The following IARS1 variants were observed in gnomAD, a reference collection of about 807,000 sequenced individuals.
IARS1 encodes isoleucyl-tRNA synthetase 1, also known as isoleucine--tRNA ligase, cytoplasmic.
IARS1 carries 124 observed loss-of-function variants against 168.2 expected under a neutral mutation model. That is an observed-to-expected ratio of 0.74 (90% confidence interval 0.64 to 0.86). The LOEUF (loss-of-function observed/expected upper bound fraction) is 0.86, where lower values mean the gene tolerates loss of function less well. IARS1 is among the 40% of genes least tolerant of loss of function. The probability of loss-of-function intolerance (pLI) is 0.00; values close to 1 mark genes in which losing one functional copy is unlikely to be tolerated. For synonymous variants in IARS1, 532 were observed against 529.4 expected (o/e 1.00, Z -0.07); for missense variants, 1,452 against 1,515.8 (o/e 0.96, Z 0.70).
At chr9:92,220,350 T>G (rs564136054) in intron 33 of IARS1, among the ~76,000 whole-genome samples, 1,596 of 149,260 alleles carry the variant, frequency 0.011, 36 homozygotes, top group African/African-American at 0.037. Context: ...CGCACCAGCA[T>G]GGCACATGTA....
At chr9:92,267,819 T>C (rs183124734) in intron 14 of IARS1, among the ~76,000 whole-genome samples, 2 of 152,224 alleles carry the variant, frequency 1.3e-5, no homozygotes, top group East Asian at 1.9e-4. Context: ...TTTTTCATCA[T>C]CTATAAAGTC....
At chr9:92,252,068 CCT>C (rs1437355901) in intron 21 of IARS1, among the ~76,000 whole-genome samples, 183 bp from the exon 22 acceptor site, 1 of 152,184 alleles carries the variant, frequency 6.6e-6, no homozygotes, top group African/African-American at 2.4e-5. Flanking sequence ...CCAGGGTGGC[CCT>C]TCAGGGCAGT....
chr9:92,225,593 T>C (rs985610213), intron 31 of IARS1, among the ~76,000 whole-genome samples: 8 of 144,666 alleles, frequency 5.5e-5, no homozygotes, highest in Non-Finnish European at 1.2e-4. Flanking sequence ...TTTTTTTTAA[T>C]CTACTAGGGT....
intron 4 of IARS1, 194 bp downstream of exon 4, chr9:92,287,597 T>C: frequency 2.1e-6 from 1 of 479,056 alleles, no homozygotes; most frequent in Non-Finnish European, 3.5e-6. Flanking sequence ...GTTAGACCAA[T>C]TAAGCACACA....
chr9:92,251,859 G>A lies in IARS1; in HGVS notation c.2256C>T (p.Val752=). The part of the protein sequence containing the change: ...LKGENGMEDC[V]MALETLFSVL... ...CACTAAACAAGGTTTCTAGGGCCAT[G>A]ACACAATCCTCCATCCCATTTTCAC... Residue 752 remains valine (V), a synonymous_variant, in exon 22 of 34, where the codon GTC becomes GTT. Coordinates refer to ENST00000443024, the MANE Select transcript of IARS1 (RefSeq NM_002161.6). 1 of 1,613,510 alleles carries A rather than the reference G, an allele frequency of 6.2e-7. No homozygotes were observed. The highest frequency in any genetic ancestry group is 8.5e-7 in the Non-Finnish European group (1 of 1,179,452).
chr9:92,211,179 T>C (rs1837684866), intron 33 of IARS1, among the ~76,000 whole-genome samples: 1 of 152,174 alleles, frequency 6.6e-6, no homozygotes, highest in South Asian at 2.1e-4. Flanking sequence ...GGATGGGGAC[T>C]TTGGGTCACA....
At chr9:92,225,489 AAAG>A (rs767900488) in intron 31 of IARS1, among the ~76,000 whole-genome samples, 1 of 152,190 alleles carries the variant, frequency 6.6e-6, no homozygotes, top group Non-Finnish European at 1.5e-5. Context: ...AACATCACCC[AAAG>A]AAGGATAAGG....
chr9:92,291,908 T>C (rs917870045), intron 1 of IARS1, among the ~76,000 whole-genome samples: 1 of 152,174 alleles, frequency 6.6e-6, no homozygotes, highest in Non-Finnish European at 1.5e-5. Flanking sequence ...CACATCAAAG[T>C]CTGAACATCA....
At chr9:92,249,739 T>C in intron 25 of IARS1, 119 bp downstream of exon 25, 1 of 529,564 alleles carries the variant, frequency 1.9e-6, no homozygotes, top group Non-Finnish European at 3.3e-6. Flanking sequence ...GATTATTACA[T>C]TTGTTATGAC....
At chr9:92,223,224 G>T in intron 32 of IARS1, 122 bp downstream of exon 32, 1 of 808,548 alleles carries the variant, frequency 1.2e-6, no homozygotes, top group Non-Finnish European at 1.8e-6. Flanking sequence ...CCAAAGTTGC[G>T]TGAGAGCCCA....
At position 92,221,303 on chromosome 9, in the gene IARS1, T is replaced by A. The variant is rs578096510; in HGVS notation, c.3706+1217A>T. ...CCAGAGAGAATGAATAAGAGGTAAGTTGGACAAGATAATGTCTGGCAATTT... is the reference window on the plus strand; with the variant it reads ...CCAGAGAGAATGAATAAGAGGTAAGATGGACAAGATAATGTCTGGCAATTT... On this transcript the variant is annotated intron_variant, in intron 33 of 33. Coordinates refer to ENST00000443024, the MANE Select transcript of IARS1 (RefSeq NM_002161.6). Among the ~76,000 whole-genome samples the A allele has an allele frequency of 4.6e-5, 7 of 152,208 alleles. No homozygotes were observed. In the South Asian group the frequency reaches 1.5e-3, roughly 32 times the overall value.
intron 33 of IARS1, among the ~76,000 whole-genome samples, chr9:92,220,941 G>A (rs972368986): frequency 2.0e-5 from 3 of 152,116 alleles, no homozygotes; most frequent in Non-Finnish European, 2.9e-5. Flanking sequence ...TGCAGCCTGC[G>A]TGACAGAACA....
chr9:92,285,271 C>T (rs1164164009), intron 6 of IARS1, among the ~76,000 whole-genome samples: 1 of 152,202 alleles, frequency 6.6e-6, no homozygotes, highest in Non-Finnish European at 1.5e-5. Flanking sequence ...GCAACAACAA[C>T]AACTGATTCT....
rs532850762 is a variant in IARS1 at position 92,286,299 on chromosome 9, G to A, written c.479+237C>T. Among the ~76,000 whole-genome samples, 54 of 152,238 alleles carry A rather than the reference G, an allele frequency of 3.5e-4. No homozygotes were observed. In the East Asian group the frequency reaches 4.0e-3, roughly 11 times the overall value. ...AGAGAATCGCTTGAACCTGAGAGGC[G>A]GAGGTTGCAGTGGGCCAAGACTGTG... On this transcript the variant is annotated intron_variant, in intron 5 of 33. Transcript: ENST00000443024.
intron 30 of IARS1, among the ~76,000 whole-genome samples, chr9:92,235,580 C>T (rs1250067450): frequency 1.4e-5 from 2 of 140,184 alleles, no homozygotes; most frequent in Admixed American, 7.7e-5. Context: ...CACAGTGGTG[C>T]GATCTTGGCT....
chr9:92,240,661 TAG>T, intron 30 of IARS1, 193 bp downstream of exon 30: 1 of 717,230 alleles, frequency 1.4e-6, no homozygotes, highest in Non-Finnish European at 2.6e-6. Flanking sequence ...CCAAAAGTGG[TAG>T]ATTTCAGGAA....
intron 12 of IARS1, among the ~76,000 whole-genome samples, chr9:92,270,615 C>T (rs866241378): frequency 6.6e-6 from 1 of 151,944 alleles, no homozygotes; most frequent in African/African-American, 2.4e-5. Context: ...GACAACATGG[C>T]GAAACCTCAT....
intron 1 of IARS1, among the ~76,000 whole-genome samples, chr9:92,290,943 C>A (rs1000073068): frequency 6.6e-6 from 1 of 152,146 alleles, no homozygotes; most frequent in African/African-American, 2.4e-5. Context: ...GAGAATCTCA[C>A]ATTCAAATAT....
chr9:92,230,840 C>T lies in IARS1; in HGVS notation c.3284-1714G>A, dbSNP rs566311638. Among the ~76,000 whole-genome samples the T allele has an allele frequency of 1.1e-4, 16 of 152,274 alleles. No individual in the cohort carries two copies. The South Asian group carries it at 1.2e-3, about 12-fold the overall frequency. On this transcript the variant is annotated intron_variant, in intron 30 of 33. Transcript: ENST00000443024. ...GTGATTTCAACTTGAATTTTCCTAA[C>T]GGCTAATGACGTTAAATGTTGTCAT...
Sources: gnomAD v4.1 joint callset for allele counts (sites outside exome capture counted in the v4.1 genomes callset) on GRCh38, gnomAD v4.1.1 for gene constraint, MANE v1.5 for transcripts, NCBI Gene and HGNC (gene_info 2026-07-23, HGNC 2026-07-21) for gene names.